The following PLEKHD1 variants were observed in gnomAD, a reference collection of about 807,000 sequenced individuals.
The protein encoded by PLEKHD1 is pleckstrin homology and coiled-coil domain containing D1, also known as pleckstrin homology domain-containing family D member 1.
In PLEKHD1, 51 loss-of-function variants were observed where a neutral mutation model predicts 69.2. The observed-to-expected ratio is 0.74, with a 90% CI of 0.59 to 0.93. PLEKHD1 has a LOEUF of 0.93. Among genes scored for constraint, PLEKHD1 ranks in the 40% least tolerant of loss-of-function variants. The pLI, the probability that PLEKHD1 is intolerant of heterozygous loss-of-function variation, is 0.00. For missense variants in PLEKHD1, 584 were observed against 641.0 expected, an observed-to-expected ratio of 0.91 and a Z score of 0.96; for synonymous variants, 236 against 244.7, an observed-to-expected ratio of 0.96 and a Z score of 0.33.
Position 69,484,920 on chromosome 14 carries a change from C to G in PLEKHD1, c.-46C>G. The G allele has an allele frequency of 6.5e-7, 1 of 1,539,532 alleles. No homozygotes were observed. The highest frequency in any genetic ancestry group is 8.8e-7 in the Non-Finnish European group (1 of 1,139,604). On this transcript the variant is annotated 5_prime_UTR_variant, in exon 1 of 13. Transcript: ENST00000322564. ...CCTCTCGCCCCGAGTCCCTGCTGAC[C>G]CCGGGGAGGTGGGGTCCGGGCCGGG...
rs772802946 is a variant in PLEKHD1, at chr14:69,527,229, G to A, written c.1098G>A (p.Arg366=). 2 of 1,551,712 alleles carry A rather than the reference G, an allele frequency of 1.3e-6. No individual in the cohort carries two copies. Among genetic ancestry groups the A allele is most frequent in the East Asian group, 2.4e-5 (1 of 40,918 alleles). ...GCATGGACCTGGAGAGGCGTCTCCG[G>A]GAGGCAGAAGGGGCCTTGCGAAGCC... is the stretch of plus-strand genomic sequence containing the variant. ...KVRMDLERRL[R]EAEGALRSLE... The change falls in exon 11 of 13, where the codon CGG becomes CGA. Residue 366 remains arginine, a synonymous_variant. Transcript: ENST00000322564.
the PLEKHD1 span, among the ~76,000 whole-genome samples, chr14:69,471,817 G>A: frequency 2.6e-5 from 4 of 152,110 alleles, no homozygotes; most frequent in Non-Finnish European, 5.9e-5. Context: ...TACACAGGAA[G>A]CTCCTTGACA....
At chr14:69,485,558 C>T (rs1304394315) in intron 1 of PLEKHD1, among the ~76,000 whole-genome samples, 1 of 129,032 alleles carries the variant, frequency 7.8e-6, no homozygotes, top group Non-Finnish European at 1.7e-5. Flanking sequence ...CTCCCTCCCG[C>T]CAACCACCCA....
At chr14:69,511,170 G>A (rs908540262) in intron 6 of PLEKHD1, among the ~76,000 whole-genome samples, 6 of 152,092 alleles carry the variant, frequency 3.9e-5, no homozygotes, top group Non-Finnish European at 8.8e-5. Flanking sequence ...TTGTTTGTTT[G>A]TTTTGAAACA....
chr14:69,483,668 C>T (rs1395525119), upstream of PLEKHD1, among the ~76,000 whole-genome samples: 1 of 152,250 alleles, frequency 6.6e-6, no homozygotes. Flanking sequence ...GGATCTGGCT[C>T]TCGGGCTAAC....
At position 69,507,905 on chromosome 14, in the gene PLEKHD1, G is replaced by T. The variant is rs1883187412; in HGVS notation, c.555+5026G>T. On this transcript the variant is annotated intron_variant, in intron 6 of 12. Coordinates refer to ENST00000322564, the MANE Select transcript of PLEKHD1 (RefSeq NM_001161498.2). ...TTTAAATTATTTTTATAGAGATGGG[G>T]TCTCCTTATGTTGAACTCCTGAGAT... 2.0e-5 allele frequency among the ~76,000 whole-genome samples: 3 copies of T among 151,998 alleles called. 1 individual carries two copies. The highest frequency in any genetic ancestry group is 4.2e-4 in the South Asian group (2 of 4,792).
At chr14:69,509,810 C>A (rs149210012) in intron 6 of PLEKHD1, among the ~76,000 whole-genome samples, 1 of 151,844 alleles carries the variant, frequency 6.6e-6, no homozygotes, top group Non-Finnish European at 1.5e-5. Flanking sequence ...TGGTGGCGGG[C>A]GCCTGTAATC....
chr14:69,504,063 C>T (rs1457092768), intron 6 of PLEKHD1, among the ~76,000 whole-genome samples: 1 of 152,126 alleles, frequency 6.6e-6, no homozygotes, highest in South Asian at 2.1e-4. Flanking sequence ...TTCTCCAAAT[C>T]TTCTTATCTG....
At chr14:69,481,262 G>T (rs1882536520), upstream of PLEKHD1, among the ~76,000 whole-genome samples, 1 of 152,182 alleles carries the variant, frequency 6.6e-6, no homozygotes, top group South Asian at 2.1e-4. Flanking sequence ...GGTCGAGGCT[G>T]CAGTGAGCTA....
intron 6 of PLEKHD1, 132 bp downstream of exon 6, chr14:69,503,011 C>A: frequency 1.0e-6 from 1 of 1,004,956 alleles, no homozygotes; most frequent in Non-Finnish European, 1.5e-6. Context: ...GCGGGGAGGC[C>A]AAATGGGATC....
At chr14:69,519,832 T>A (rs1222597545) in intron 6 of PLEKHD1, among the ~76,000 whole-genome samples, 1 of 152,064 alleles carries the variant, frequency 6.6e-6, no homozygotes, top group Non-Finnish European at 1.5e-5. Context: ...TCCAGGGTGA[T>A]CATTTGTGAA....
intron 1 of PLEKHD1, among the ~76,000 whole-genome samples, chr14:69,491,932 T>G (rs757495490): frequency 1.3e-5 from 2 of 152,040 alleles, no homozygotes; most frequent in Non-Finnish European, 2.9e-5. Context: ...CCTTGCTGAT[T>G]TGTACCTCCC....
At chr14:69,504,389 T>G (rs1392931150) in intron 6 of PLEKHD1, among the ~76,000 whole-genome samples, 1 of 152,198 alleles carries the variant, frequency 6.6e-6, no homozygotes, top group African/African-American at 2.4e-5. Flanking sequence ...AACCTCTAAC[T>G]TGACTCTTAG....
At chr14:69,514,724 T>C (rs533797331) in intron 6 of PLEKHD1, among the ~76,000 whole-genome samples, 2 of 152,282 alleles carry the variant, frequency 1.3e-5, no homozygotes, top group East Asian at 3.9e-4. Flanking sequence ...TGTGGTGGTC[T>C]TAGCCTTTTG....
intron 1 of PLEKHD1, among the ~76,000 whole-genome samples, chr14:69,489,844 T>G (rs954847926): frequency 1.3e-4 from 20 of 148,252 alleles, no homozygotes; most frequent in African/African-American, 4.5e-4. Context: ...ACCTCTGCAC[T>G]GTTATATATA....
chr14:69,511,064 G>A (rs896214175), intron 6 of PLEKHD1, among the ~76,000 whole-genome samples: 2 of 152,140 alleles, frequency 1.3e-5, no homozygotes, highest in African/African-American at 4.8e-5. Context: ...TTCAAATATT[G>A]AACCAGCCTT....
chr14:69,487,588 C>G (rs1882682934), intron 1 of PLEKHD1, among the ~76,000 whole-genome samples: 1 of 152,228 alleles, frequency 6.6e-6, no homozygotes, highest in Admixed American at 6.5e-5. Context: ...GTCTTAGGAC[C>G]TGTGCCTCCA....
the PLEKHD1 span, among the ~76,000 whole-genome samples, chr14:69,476,673 G>A: frequency 1.3e-5 from 2 of 152,356 alleles, no homozygotes; most frequent in African/African-American, 2.4e-5. Context: ...TGAGGAGACA[G>A]CAAGTGAGAA....
intron 8 of PLEKHD1, 73 bp from the exon 9 acceptor site, chr14:69,525,871 A>T: frequency 7.1e-7 from 1 of 1,414,676 alleles, no homozygotes; most frequent in Non-Finnish European, 9.5e-7. Flanking sequence ...CCCCAAACGG[A>T]AAAGCAGGTG....
Sources: gnomAD v4.1 joint callset for allele counts (sites outside exome capture counted in the v4.1 genomes callset) on GRCh38, gnomAD v4.1.1 for gene constraint, MANE v1.5 for transcripts, NCBI Gene and HGNC (gene_info 2026-07-23, HGNC 2026-07-21) for gene names.